TLE6: variants seen among roughly 807,000 people sequenced by gnomAD.
The protein encoded by TLE6 is transducin-like enhancer protein 6.
A neutral mutation model predicts 77.1 loss-of-function variants in TLE6; 72 were observed. The observed-to-expected ratio is 0.93, with a 90% confidence interval of 0.77 to 1.14. TLE6 has a LOEUF of 1.14. Ranked by LOEUF, TLE6 falls within the 50% of genes most tolerant of loss-of-function variation. The pLI is 0.00. For synonymous variants in TLE6, 366 were observed against 287.3 expected (o/e 1.27, Z -2.77); for missense variants, 843 against 747.6 (o/e 1.13, Z -1.49).
intron 13 of TLE6, among the ~76,000 whole-genome samples, chr19:2,990,876 C>T (rs932877017): frequency 2.0e-4 from 30 of 151,696 alleles, no homozygotes; most frequent in African/African-American, 7.0e-4. Context: ...TGGCACATGC[C>T]TGTAATCCCA....
chr19:2,990,098 G>A (rs111550383), intron 13 of TLE6, among the ~76,000 whole-genome samples: 1 of 152,104 alleles, frequency 6.6e-6, no homozygotes. Flanking sequence ...CAAATTTGTT[G>A]TAAAAATATA....
In TLE6 at chr19:2,989,279, A is replaced by AG; in HGVS notation, c.961dup (p.Asp321GlyfsTer5). 6.2e-7 allele frequency: 1 copy of AG among 1,613,490 alleles called. No homozygotes were observed. Among genetic ancestry groups the AG allele is most frequent in the South Asian group, 1.1e-5 (1 of 91,086 alleles). On this transcript the variant is annotated frameshift_variant, in exon 12 of 17. Coordinates refer to ENST00000246112, the MANE Select transcript of TLE6 (RefSeq NM_001143986.2). LOFTEE classifies it high-confidence loss of function. ...TGGAGCCTGACTGGACAGGTGGCTG[A>AG]GGACAGGTTCCCTGAGAGCCACCTG...
At chr19:2,978,324 C>T (rs1366303150) in intron 2 of TLE6, 40 bp downstream of exon 2, 3 of 1,548,708 alleles carry the variant, frequency 1.9e-6, no homozygotes, top group Admixed American at 2.0e-5. Context: ...TCAAGGGAAA[C>T]CCGGGCCCAA....
intron 2 of TLE6, 98 bp downstream of exon 2, chr19:2,978,382 G>A (rs2088722905): frequency 1.6e-5 from 20 of 1,247,308 alleles, no homozygotes; most frequent in Non-Finnish European, 2.2e-5. Flanking sequence ...GCCCCGCCCA[G>A]GCCTCGCAGC....
In TLE6 at chr19:2,987,254, G is replaced by C. The variant is rs1190103196; in HGVS notation, c.541+16G>C. The C allele has an allele frequency of 1.9e-6, 3 of 1,613,690 alleles. No individual in the cohort carries two copies. The African/African-American group carries it at 4.0e-5, about 22-fold the overall frequency. On this transcript the variant is annotated intron_variant, in intron 7 of 16. Transcript: ENST00000246112. The stretch of plus-strand genomic sequence containing the variant: ...AGAGACAGACGTGAGTGTCCCTGAG[G>C]GTGAGGGGGAAGGGGCAGCCACAGG...
chr19:2,990,256 TTTTA>T (rs2089014406), intron 13 of TLE6, among the ~76,000 whole-genome samples: 2 of 151,862 alleles, frequency 1.3e-5, no homozygotes, highest in African/African-American at 4.8e-5. Flanking sequence ...ATAGAATAAA[TTTTA>T]TTTAATAAAA....
chr19:2,991,411 CACA>C (rs1198194577), intron 13 of TLE6, among the ~76,000 whole-genome samples: 8 of 148,028 alleles, frequency 5.4e-5, no homozygotes, highest in African/African-American at 2.0e-4. Context: ...CACACACACA[CACA>C]CACACACACA....
Position 2,988,234 on chromosome 19 carries a change from C to A in TLE6, c.740+106C>A, listed in dbSNP as rs539230723. ...CATAGAGGGGAACAGAGGTGTAAGA[C>A]TTTCTTCCCCTTTTCCCATCACTAC... is the stretch of plus-strand genomic sequence containing the variant. On this transcript the variant is annotated intron_variant, in intron 11 of 16. Transcript: ENST00000246112. 1.3e-5 allele frequency: 15 copies of A among 1,193,400 alleles called. No homozygotes were observed. In the South Asian group the frequency reaches 1.7e-4, roughly 14 times the overall value. 73.9% of individuals were successfully genotyped at this position (1,193,400 alleles called of 1,614,324 possible).
At chr19:2,986,071 CAAAAAAAAAAAAAAAAAAAAAAAAAA>C (rs547031586) in intron 5 of TLE6, among the ~76,000 whole-genome samples, 1 of 41,246 alleles carries the variant, frequency 2.4e-5, no homozygotes, top group Admixed American at 4.8e-4. Context: ...GAGACTGTCT[CAAAAAAAAAAAAAAAAAAAAAAAAAA>C]AAAAAAAAAA....
chr19:2,994,877 A>G (rs775312090), intron 16 of TLE6, 23 bp from the exon 17 acceptor site: 1 of 1,486,554 alleles, frequency 6.7e-7, no homozygotes, highest in Non-Finnish European at 9.2e-7. Flanking sequence ...ACCCCAGCTC[A>G]CTGCCCACTG....
At chr19:2,981,050 A>C (rs4807382) in intron 3 of TLE6, among the ~76,000 whole-genome samples, 101,353 of 145,118 alleles carry the variant, frequency 0.7, 35,033 homozygotes, top group Non-Finnish European at 0.75. Flanking sequence ...GATTCTGTTT[A>C]AAAAAAAAAA....
At chr19:2,981,347 CAAAAAAA>C (rs34622024) in intron 3 of TLE6, among the ~76,000 whole-genome samples, 184 bp from the exon 4 acceptor site, 2 of 115,266 alleles carry the variant, frequency 1.7e-5, no homozygotes, top group Non-Finnish European at 3.9e-5. Context: ...GACTCTGTCT[CAAAAAAA>C]AAAAAAAAAG....
intron 2 of TLE6, among the ~76,000 whole-genome samples, chr19:2,979,836 C>T (rs927169084): frequency 3.3e-5 from 5 of 150,992 alleles, no homozygotes; most frequent in South Asian, 2.1e-4. Flanking sequence ...GGGGCGCGGG[C>T]GCATGTAATC....
Position 2,987,723 on chromosome 19 carries a change from G to T in TLE6, c.559-1G>T. 2 of 1,614,170 alleles carry T rather than the reference G, an allele frequency of 1.2e-6. No homozygotes were observed. Among genetic ancestry groups the T allele is most frequent in the Non-Finnish European group, 1.7e-6 (2 of 1,180,022 alleles). ...CCTGATGAGACTTTTCCATTTTCCA[G>T]GGGCAGGAAAGCAAGGCACCAGGAT... is the stretch of plus-strand genomic sequence containing the variant. On this transcript the variant is annotated splice_acceptor_variant, in intron 8 of 16. Coordinates refer to ENST00000246112, the MANE Select transcript of TLE6 (RefSeq NM_001143986.2). LOFTEE classifies it high-confidence loss of function.
At chr19:2,993,126 G>A (rs487909) in intron 14 of TLE6, among the ~76,000 whole-genome samples, 21,874 of 150,890 alleles carry the variant, frequency 0.14, 3,985 homozygotes, top group African/African-American at 0.43. Flanking sequence ...CGGGAGAATC[G>A]CTTAAACCCC....
Position 2,987,801 on chromosome 19 carries a change from C to T in TLE6, c.625+11C>T, listed in dbSNP as rs773372523. 19 of 1,613,996 alleles carry T rather than the reference C, an allele frequency of 1.2e-5. No homozygotes were observed. In the African/African-American group the frequency reaches 1.3e-4, roughly 11 times the overall value. ...CTGAAGATGCCTCCAGTAATCCCAG[C>T]GGGCAGGGGCCGACCGACTCCAGGC... On this transcript the variant is annotated intron_variant, in intron 9 of 16. Coordinates refer to ENST00000246112, the MANE Select transcript of TLE6 (RefSeq NM_001143986.2).
rs374337528 is a variant in TLE6, at chr19:2,995,027, A to G, written c.*23A>G. ...TGAGGGGCCTCGCTGCTGTCATCCC[A>G]CTCCGGCTCCTCTTTTCATCCCCCC... On this transcript the variant is annotated 3_prime_UTR_variant, in exon 17 of 17. Coordinates refer to ENST00000246112, the MANE Select transcript of TLE6 (RefSeq NM_001143986.2). 5.0e-6 allele frequency: 7 copies of G among 1,388,022 alleles called. No individual in the cohort carries two copies. The highest frequency in any genetic ancestry group is 2.2e-5 in the Admixed American group (1 of 45,530). 86.0% of individuals were successfully genotyped at this position (1,388,022 alleles called of 1,614,324 possible). A position where few individuals can be genotyped will look rare whatever the true frequency, so the allele number is the denominator to read the frequency against.
At chr19:2,994,550 C>T (rs2089165162) in intron 16 of TLE6, among the ~76,000 whole-genome samples, 1 of 152,024 alleles carries the variant, frequency 6.6e-6, no homozygotes, top group Non-Finnish European at 1.5e-5. Flanking sequence ...GCGGAGCTTG[C>T]AGTGAGCCAA....
chr19:2,982,402 G>C (rs1009005555), intron 5 of TLE6, among the ~76,000 whole-genome samples: 2 of 152,014 alleles, frequency 1.3e-5, no homozygotes, highest in African/African-American at 4.8e-5. Context: ...GCCAGGCGTG[G>C]TGGCGGGCGC....
Sources: gnomAD v4.1 joint callset for allele counts (sites outside exome capture counted in the v4.1 genomes callset) on GRCh38, gnomAD v4.1.1 for gene constraint, MANE v1.5 for transcripts, NCBI Gene and HGNC (gene_info 2026-07-23, HGNC 2026-07-21) for gene names.